AKAP17A: variants seen among roughly 807,000 people sequenced by gnomAD.
AKAP17A encodes A-kinase anchor protein 17A.
In AKAP17A, 15 loss-of-function variants were observed where a neutral mutation model predicts 52.2. The ratio of observed to expected loss-of-function variants is 0.29; its 90% CI spans 0.19 to 0.44. AKAP17A has a LOEUF of 0.44. AKAP17A is among the 20% of genes least tolerant of loss of function. AKAP17A has a pLI of 1.00. For missense variants in AKAP17A, 1,060 were observed against 1,007.0 expected, an observed-to-expected ratio of 1.05 and a Z score of -0.71; for synonymous variants, 514 against 424.7, an observed-to-expected ratio of 1.21 and a Z score of -2.58.
Position 1,596,808 on chromosome X carries a change from C to G in AKAP17A, c.911+1276C>G, listed in dbSNP as rs1343049326. 4.0e-5 allele frequency among the ~76,000 whole-genome samples: 3 copies of G among 75,084 alleles called. 1 individual carries two copies. The highest frequency in any genetic ancestry group is 8.2e-5 in the Non-Finnish European group (3 of 36,738). 49.3% of individuals were successfully genotyped at this position (75,084 alleles called of 152,430 possible). A position where few individuals can be genotyped will look rare whatever the true frequency, so the allele number is the denominator to read the frequency against. ...CCTCCATCCCTCCCGCTGTGCCCTC[C>G]TAGTGAGGCGGATTCGTCCTCTTCC... On this transcript the variant is annotated intron_variant, in intron 3 of 4. Transcript: ENST00000313871.
At position 1,596,072 on chromosome X, in the gene AKAP17A, C is replaced by T. The variant is rs768871316; in HGVS notation, c.911+540C>T. ...CACGATCTCTGCCGGCTCCCAGGACCGCGCCTTGCCCGAAGAGCCACCTCT... is the reference window on the plus strand; with the variant it reads ...CACGATCTCTGCCGGCTCCCAGGACTGCGCCTTGCCCGAAGAGCCACCTCT... On this transcript the variant is annotated intron_variant, in intron 3 of 4. Coordinates refer to ENST00000313871, the MANE Select transcript of AKAP17A (RefSeq NM_005088.3). Among the ~76,000 whole-genome samples, 21 of 152,096 alleles carry T rather than the reference C, an allele frequency of 1.4e-4. No individual in the cohort carries two copies. The South Asian group carries it at 1.5e-3, about 11-fold the overall frequency.
At position 1,601,023 on chromosome X, in the gene AKAP17A, A is replaced by T; in HGVS notation, c.1517A>T (p.Asp506Val). ...PKESPAHPEA[D>V]GAPKSVNGSV... The stretch of plus-strand genomic sequence containing the variant: ...GAGAGCCCGGCCCACCCAGAGGCCG[A>T]CGGCGCTCCCAAAAGCGTGAACGGG... Residue 506 changes from aspartate (D) to valine (V), a missense_variant, in exon 5 of 5, where the codon GAC becomes GTC. By Grantham distance (152) the Asp-to-Val change is radical. Coordinates refer to ENST00000313871, the MANE Select transcript of AKAP17A (RefSeq NM_005088.3). 2.5e-6 allele frequency: 4 copies of T among 1,610,992 alleles called. No homozygotes were observed. The highest frequency in any genetic ancestry group is 3.4e-6 in the Non-Finnish European group (4 of 1,179,162).
chrX:1,601,089 C>G lies in AKAP17A; in HGVS notation c.1583C>G (p.Ser528Cys). Residue 528 changes from serine to cysteine, a missense_variant, in exon 5 of 5, where the codon TCC (serine) becomes TGC (cysteine). This residue lies in a region of AKAP17A where 793 missense variants were observed against 629.9 expected (regional missense o/e 1.26). Transcript: ENST00000313871. ...EEAPCKEVQS[S>C]CRVVPEDGSP... ...GCCCCATGCAAGGAGGTTCAGAGCT[C>G]CTGTCGTGTGGTCCCCGAGGATGGC... 6.2e-7 allele frequency: 1 copy of G among 1,613,676 alleles called. No individual in the cohort carries two copies.
At chrX:1,599,588 G>C (rs1933238204) in intron 4 of AKAP17A, 156 bp downstream of exon 4, 2 of 1,040,768 alleles carry the variant, frequency 1.9e-6, no homozygotes, top group Non-Finnish European at 2.9e-6. Context: ...CTCCTTCCCG[G>C]GAGGGTGTAG....
chrX:1,599,614 C>A, intron 4 of AKAP17A, 182 bp downstream of exon 4: 2 of 890,680 alleles, frequency 2.2e-6, no homozygotes, highest in Non-Finnish European at 1.8e-6. Context: ...GTCTGTCGTT[C>A]CCGATGATTT....
intron 1 of AKAP17A, among the ~76,000 whole-genome samples, chrX:1,592,926 T>C (rs1326839635): frequency 6.6e-6 from 1 of 152,154 alleles, no homozygotes; most frequent in Non-Finnish European, 1.5e-5. Context: ...GGTTCTGGAT[T>C]GTTGTTGCAG....
At chrX:1,598,924 C>T (rs1345752000) in intron 3 of AKAP17A, among the ~76,000 whole-genome samples, 4 of 152,120 alleles carry the variant, frequency 2.6e-5, no homozygotes, top group Admixed American at 1.3e-4. Flanking sequence ...TTGATGTGGT[C>T]GGTCCAGTGG....
At chrX:1,598,588 C>T (rs1406727901) in intron 3 of AKAP17A, among the ~76,000 whole-genome samples, 2 of 152,176 alleles carry the variant, frequency 1.3e-5, no homozygotes, top group African/African-American at 2.4e-5. Flanking sequence ...CCCACTGTCT[C>T]TTGTGGACTC....
At chrX:1,600,201 C>T (rs1933278723) in intron 4 of AKAP17A, 2 of 1,311,238 alleles carry the variant, frequency 1.5e-6, no homozygotes, top group South Asian at 1.2e-5. Flanking sequence ...CCAGTCCTTA[C>T]CTCATGGTGA....
Position 1,593,852 on chromosome X carries a change from C to G in AKAP17A, c.390C>G (p.Phe130Leu). Reference sequence around the variant, plus strand: ...CCACCCGCCACGACTGGGACTCCTTCTTCCGCGACGCCAAGGACATGAACG... The same window carrying G: ...CCACCCGCCACGACTGGGACTCCTTGTTCCGCGACGCCAAGGACATGAACG... ...DFPTRHDWDSFFRDAKDMNET... is the reference protein window; with the variant it reads ...DFPTRHDWDSLFRDAKDMNET... Residue 130 changes from phenylalanine to leucine, a missense_variant, in exon 2 of 5, where the codon TTC becomes TTG. Around this residue, in one of 2 missense-constraint regions of AKAP17A, gnomAD observed 267 missense variants for 377.1 expected, o/e 0.71. Transcript: ENST00000313871. The G allele has an allele frequency of 1.2e-6, 2 of 1,612,642 alleles. No homozygotes were observed. The highest frequency in any genetic ancestry group is 1.7e-6 in the Non-Finnish European group (2 of 1,179,098).
chrX:1,599,988 C>A, intron 4 of AKAP17A: 2 of 471,010 alleles, frequency 4.2e-6, no homozygotes, highest in South Asian at 1.8e-5. Context: ...GCAGGCGCGA[C>A]TGGTAACTCC....
At position 1,600,753 on chromosome X, in the gene AKAP17A, G is replaced by A. The variant is rs1266659766; in HGVS notation, c.1247G>A (p.Arg416His). ...RRRLQEAELR[R>H]VEEEKERALG... is the part of the protein sequence containing the mutation. ...CGGCTGCAGGAGGCCGAGCTGCGGC[G>A]CGTGGAGGAGGAGAAGGAGCGCGCG... The change falls in exon 5 of 5, where the codon CGC becomes CAC. Residue 416 changes from arginine to histidine, a missense_variant. Arg to His is a conservative substitution (Grantham distance 29, BLOSUM62 0). Transcript: ENST00000313871. The A allele has an allele frequency of 1.3e-5, 21 of 1,557,320 alleles. No homozygotes were observed. Among genetic ancestry groups the A allele is most frequent in the Non-Finnish European group, 1.6e-5 (19 of 1,155,346 alleles).
chrX:1,595,055 A>G (rs1932916267), intron 2 of AKAP17A, among the ~76,000 whole-genome samples: 1 of 152,150 alleles, frequency 6.6e-6, no homozygotes, highest in Admixed American at 6.5e-5. Flanking sequence ...GGAATGGTGG[A>G]GCCGGGTAGC....
At chrX:1,591,907 T>G (rs865836620) in intron 1 of AKAP17A, 138 bp downstream of exon 1, 10 of 8,410 alleles carry the variant, frequency 1.2e-3, no homozygotes, top group Admixed American at 1.8e-3. Flanking sequence ...TTGGGGGGCG[T>G]GGGGTGCCAC....
Position 1,600,742 on chromosome X carries a change from C to T in AKAP17A, c.1236C>T (p.Ala412=), listed in dbSNP as rs762673209. ...AGGAGCGGCGGCGGCTGCAGGAGGC[C>T]GAGCTGCGGCGCGTGGAGGAGGAGA... ...QQEERRRLQE[A]ELRRVEEEKE... is the part of the protein sequence containing the mutation. The change falls in exon 5 of 5, where the codon GCC becomes GCT. Residue 412 remains alanine (A), a synonymous_variant. Transcript: ENST00000313871. 3.0e-5 allele frequency: 46 copies of T among 1,550,394 alleles called. No homozygotes were observed. Among genetic ancestry groups the T allele is most frequent in the African/African-American group, 5.4e-5 (4 of 73,554 alleles).
At chrX:1,598,258 C>T (rs1179938078) in intron 3 of AKAP17A, among the ~76,000 whole-genome samples, 4 of 152,196 alleles carry the variant, frequency 2.6e-5, no homozygotes, top group South Asian at 2.1e-4. Context: ...ATGCCCCGCC[C>T]GGAGACCGTG....
chrX:1,597,663 G>T (rs1385615162), intron 3 of AKAP17A, among the ~76,000 whole-genome samples: 2 of 141,012 alleles, frequency 1.4e-5, no homozygotes, highest in East Asian at 4.2e-4. Flanking sequence ...TCTCGGTGTC[G>T]CAGGAGTGTC....
intron 1 of AKAP17A, 69 bp downstream of exon 1, chrX:1,591,838 C>T (rs1268732264): frequency 7.0e-6 from 1 of 141,964 alleles, no homozygotes; most frequent in South Asian, 2.4e-4. Context: ...AGGGCCGGGC[C>T]CGGGGGGCCG....
In AKAP17A at chrX:1,601,358, C is replaced by T. The variant is rs371228611; in HGVS notation, c.1852C>T (p.Arg618Cys). 74 of 1,586,282 alleles carry T rather than the reference C, an allele frequency of 4.7e-5. No homozygotes were observed. Among genetic ancestry groups the T allele is most frequent in the Middle Eastern group, 2.0e-4 (1 of 5,024 alleles). The change falls in exon 5 of 5, where the codon CGC becomes TGC. Residue 618 changes from arginine to cysteine, a missense_variant. Transcript: ENST00000313871. ...CAGCAGCAGGGAGGACGGGAGGCCA[C>T]GCAAGGAGCGGCGGCCCCACAAGAA... ...RASSREDGRP[R>C]KERRPHKKHA...
Sources: allele counts gnomAD v4.1 joint callset (sites outside exome capture counted in the v4.1 genomes callset), GRCh38; gene constraint gnomAD v4.1.1; regional missense constraint gnomAD v4.1.1; transcripts MANE v1.5; gene names NCBI Gene and HGNC (gene_info 2026-07-23, HGNC 2026-07-21).